The following NRG1 variants were observed in gnomAD, a reference collection of about 807,000 sequenced individuals.
The protein encoded by NRG1 is pro-neuregulin-1, membrane-bound isoform.
Under a neutral mutation model 63.8 loss-of-function variants are expected in NRG1, and 18 were observed. The observed-to-expected ratio is 0.28, with a 90% CI of 0.19 to 0.42. The LOEUF is 0.42. Ranked by LOEUF, NRG1 falls within the 10% of genes least tolerant of loss-of-function variation. The probability of loss-of-function intolerance (pLI) is 1.00; values close to 1 mark genes in which losing one functional copy is unlikely to be tolerated. For missense variants in NRG1, 762 were observed against 814.7 expected, an observed-to-expected ratio of 0.94 and a Z score of 0.79; for synonymous variants, 302 against 301.3, an observed-to-expected ratio of 1.00 and a Z score of -0.02.
intron 5 of NRG1, among the ~76,000 whole-genome samples, chr8:32,692,238 C>T (rs1009349405): frequency 1.3e-5 from 2 of 152,196 alleles, no homozygotes; most frequent in African/African-American, 2.4e-5. Context: ...TGGCAACAGA[C>T]TCAAAGATTT....
chr8:31,694,520 G>A (rs1809854329), intron 1 of NRG1, among the ~76,000 whole-genome samples: 1 of 152,182 alleles, frequency 6.6e-6, no homozygotes, highest in African/African-American at 2.4e-5. Flanking sequence ...AGTGAGAGGA[G>A]ATGGAAGTTT....
intron 1 of NRG1, among the ~76,000 whole-genome samples, chr8:31,764,900 C>A (rs1275992458): frequency 3.3e-5 from 4 of 122,966 alleles, no homozygotes; most frequent in Non-Finnish European, 5.0e-5. Context: ...TCCCCCCACC[C>A]CACAAGGGTC....
intron 1 of NRG1, among the ~76,000 whole-genome samples, chr8:32,325,717 C>G (rs980070305): frequency 6.6e-6 from 1 of 151,860 alleles, no homozygotes; most frequent in Non-Finnish European, 1.5e-5. Context: ...TCTTGCTGAG[C>G]CTCAAAAAGC....
intron 1 of NRG1, among the ~76,000 whole-genome samples, chr8:31,703,752 T>C (rs1810857085): frequency 6.6e-6 from 1 of 152,210 alleles, no homozygotes; most frequent in Non-Finnish European, 1.5e-5. Flanking sequence ...CATTTGTTCC[T>C]TTGGTCAGGA....
intron 1 of NRG1, among the ~76,000 whole-genome samples, chr8:31,671,456 A>G (rs535752322): frequency 6.6e-6 from 1 of 152,316 alleles, no homozygotes; most frequent in Non-Finnish European, 1.5e-5. Flanking sequence ...ATCAGGCAGA[A>G]GAGAATTATC....
chr8:32,559,812 T>C (rs1835999152), intron 1 of NRG1, among the ~76,000 whole-genome samples: 1 of 140,074 alleles, frequency 7.1e-6, no homozygotes, highest in Admixed American at 7.8e-5. Flanking sequence ...CTGGGCAACA[T>C]GGCAAAAATC....
At chr8:32,369,170 G>C (rs536204016) in intron 1 of NRG1, among the ~76,000 whole-genome samples, 29 of 152,208 alleles carry the variant, frequency 1.9e-4, no homozygotes, top group Non-Finnish European at 3.5e-4. Flanking sequence ...CTCCTTACAG[G>C]CTTCTTCAGC....
chr8:32,356,976 A>G (rs1177523444), intron 1 of NRG1, among the ~76,000 whole-genome samples: 1 of 152,238 alleles, frequency 6.6e-6, no homozygotes, highest in East Asian at 1.9e-4. Context: ...CCTATGGATT[A>G]AATCAACTTG....
intron 1 of NRG1, among the ~76,000 whole-genome samples, chr8:32,430,918 G>GTAAGATA (rs929477925): frequency 2.1e-4 from 32 of 152,010 alleles, no homozygotes; most frequent in Admixed American, 5.9e-4. Context: ...ATGAAAATGA[G>GTAAGATA]TAAGATATGT....
chr8:31,986,694 G>A (rs922723417), intron 1 of NRG1, among the ~76,000 whole-genome samples: 2 of 152,060 alleles, frequency 1.3e-5, no homozygotes, highest in South Asian at 4.1e-4. Context: ...ATATCATTTG[G>A]CATTCTAAAG....
chr8:32,736,388 T>C (rs1190268289), intron 6 of NRG1, among the ~76,000 whole-genome samples: 1 of 152,132 alleles, frequency 6.6e-6, no homozygotes, highest in African/African-American at 2.4e-5. Context: ...AAGTCAATGT[T>C]TGCAACACGA....
At chr8:32,289,183 T>C (rs1175636883) in intron 1 of NRG1, among the ~76,000 whole-genome samples, 1 of 152,326 alleles carries the variant, frequency 6.6e-6, no homozygotes, top group Middle Eastern at 3.4e-3. Flanking sequence ...ATGCAGAAAG[T>C]AATGGCCCTC....
At chr8:32,387,803 A>G (rs35902950) in intron 1 of NRG1, among the ~76,000 whole-genome samples, 8,628 of 152,212 alleles carry the variant, frequency 0.057, 332 homozygotes, top group Middle Eastern at 0.092. Flanking sequence ...TCTGAGTCTC[A>G]GCATGTTTCT....
At chr8:32,541,844 T>C (rs1832607321) in intron 1 of NRG1, among the ~76,000 whole-genome samples, 1 of 152,138 alleles carries the variant, frequency 6.6e-6, no homozygotes, top group Non-Finnish European at 1.5e-5. Context: ...TAGTAAAATA[T>C]TAGAGAGATT....
intron 1 of NRG1, among the ~76,000 whole-genome samples, chr8:31,834,935 T>C (rs542481051): frequency 6.6e-6 from 1 of 152,294 alleles, no homozygotes; most frequent in Non-Finnish European, 1.5e-5. Flanking sequence ...TGCCTAGCTT[T>C]CCCCTTTTCC....
chr8:32,761,673 C>G (rs1253234232), intron 11 of NRG1, among the ~76,000 whole-genome samples: 1 of 151,558 alleles, frequency 6.6e-6, no homozygotes, highest in East Asian at 1.9e-4. Context: ...CAAATTCATA[C>G]TTGTGTGGTA....
intron 1 of NRG1, among the ~76,000 whole-genome samples, chr8:32,070,257 G>A (rs1205112128): frequency 1.3e-5 from 2 of 152,142 alleles, no homozygotes; most frequent in African/African-American, 4.8e-5. Context: ...AAGCCAAACG[G>A]AACTGGATTC....
At chr8:32,639,567 G>A (rs942172600) in intron 5 of NRG1, among the ~76,000 whole-genome samples, 1 of 152,078 alleles carries the variant, frequency 6.6e-6, no homozygotes, top group Non-Finnish European at 1.5e-5. Context: ...TTGAATAGCT[G>A]GTACTCTCTT....
rs557961161 is a variant in NRG1, at chr8:31,775,190, G to A, written c.37+135759G>A. Among the ~76,000 whole-genome samples, 4 of 152,334 alleles carry A rather than the reference G, an allele frequency of 2.6e-5. No homozygotes were observed. In the South Asian group the frequency reaches 8.3e-4, roughly 32 times the overall value. ...TCACAATAGCAAAGTCATGGCATCA[G>A]CACCTAAGTGTCCATCATGGAGGAC... is the stretch of plus-strand genomic sequence containing the variant. On this transcript the variant is annotated intron_variant, in intron 1 of 10. Coordinates refer to the NRG1 transcript ENST00000519301.
Sources: gnomAD v4.1 joint callset for allele counts (sites outside exome capture counted in the v4.1 genomes callset) on GRCh38, gnomAD v4.1.1 for gene constraint, MANE v1.5 for transcripts, NCBI Gene and HGNC (gene_info 2026-07-23, HGNC 2026-07-21) for gene names.